The following BCKDHB variants were observed in gnomAD, a reference collection of about 807,000 sequenced individuals.
The protein encoded by BCKDHB is branched chain keto acid dehydrogenase E1 subunit beta.
Under a neutral mutation model 48.5 loss-of-function variants are expected in BCKDHB, and 41 were observed. The observed-to-expected ratio is 0.85, with a 90% confidence interval of 0.66 to 1.10. The LOEUF is 1.10. BCKDHB is among the 50% of genes least tolerant of loss of function. The pLI is 0.00. For synonymous variants in BCKDHB, 201 were observed against 174.8 expected (o/e 1.15, Z -1.18); for missense variants, 496 against 494.2 (o/e 1.00, Z -0.03).
chr6:80,190,248 A>G (rs1057096974), intron 6 of BCKDHB, among the ~76,000 whole-genome samples: 3 of 152,204 alleles, frequency 2.0e-5, no homozygotes, highest in African/African-American at 4.8e-5. Context: ...AAAAACAGCC[A>G]TTATATAATC....
the BCKDHB span, among the ~76,000 whole-genome samples, chr6:80,375,082 G>GT: frequency 2.0e-5 from 3 of 152,026 alleles, no homozygotes; most frequent in African/African-American, 4.8e-5. Context: ...AGTTCTTAAA[G>GT]TCCTTTCCTT....
the BCKDHB span, among the ~76,000 whole-genome samples, chr6:80,452,669 T>C: frequency 2.0e-5 from 3 of 152,144 alleles, no homozygotes; most frequent in Non-Finnish European, 4.4e-5. Context: ...TGCTCTTAAT[T>C]TACTCACAAT....
chr6:80,265,976 A>G lies in BCKDHB; in HGVS notation c.952-7159A>G, dbSNP rs530893892. 7.9e-5 allele frequency among the ~76,000 whole-genome samples: 12 copies of G among 152,174 alleles called. No homozygotes were observed. The South Asian group carries it at 2.5e-3, about 32-fold the overall frequency. ...GCATATTTACAGTAAGGCTTTAGTT[A>G]TGTGGTACTTCCAAATGCCTCCTGC... On this transcript the variant is annotated intron_variant, in intron 8 of 9. Transcript: ENST00000320393.
chr6:80,116,201 A>T (rs991644539), intron 1 of BCKDHB, among the ~76,000 whole-genome samples: 2 of 152,150 alleles, frequency 1.3e-5, no homozygotes, highest in Non-Finnish European at 1.5e-5. Context: ...ACACTGCTGC[A>T]TACTGCATAG....
chr6:80,128,280 AG>A (rs1401581647), intron 2 of BCKDHB, among the ~76,000 whole-genome samples: 1 of 152,130 alleles, frequency 6.6e-6, no homozygotes, highest in Non-Finnish European at 1.5e-5. Context: ...AATGAAAAAC[AG>A]GTTATTTTTT....
chr6:80,260,344 C>T (rs1030084701), intron 8 of BCKDHB, among the ~76,000 whole-genome samples: 2 of 152,074 alleles, frequency 1.3e-5, no homozygotes, highest in Non-Finnish European at 2.9e-5. Context: ...TCATCCATTG[C>T]GGATGTTCTT....
chr6:80,211,954 C>T (rs1774954963), intron 8 of BCKDHB, among the ~76,000 whole-genome samples: 1 of 152,020 alleles, frequency 6.6e-6, no homozygotes, highest in Admixed American at 6.6e-5. Flanking sequence ...AGATCACATG[C>T]TTCAAAAGGC....
At chr6:80,135,263 G>A (rs1177582763) in intron 3 of BCKDHB, among the ~76,000 whole-genome samples, 1 of 151,988 alleles carries the variant, frequency 6.6e-6, no homozygotes, top group African/African-American at 2.4e-5. Context: ...GTGAGATGGG[G>A]GTTTGGTTTC....
chr6:80,290,926 A>G (rs1447122699), intron 9 of BCKDHB, among the ~76,000 whole-genome samples: 2 of 152,142 alleles, frequency 1.3e-5, no homozygotes, highest in African/African-American at 4.8e-5. Context: ...GCACTTGTAA[A>G]CTGTCATGGT....
chr6:80,420,101 T>C, the BCKDHB span, among the ~76,000 whole-genome samples: 3 of 152,192 alleles, frequency 2.0e-5, no homozygotes, highest in Non-Finnish European at 4.4e-5. Context: ...TCACTGAGCT[T>C]CTTTAAGGTG....
the BCKDHB span, among the ~76,000 whole-genome samples, chr6:80,424,314 C>T: frequency 5.9e-5 from 9 of 152,202 alleles, no homozygotes; most frequent in East Asian, 1.9e-4. Flanking sequence ...CTTCAAAGCA[C>T]GCTTTTAAGT....
intron 8 of BCKDHB, among the ~76,000 whole-genome samples, chr6:80,231,775 A>G (rs201614375): frequency 3.9e-5 from 6 of 152,118 alleles, no homozygotes; most frequent in East Asian, 1.9e-4. Context: ...GACCAGCCTG[A>G]CCAACATGGT....
At chr6:80,225,829 C>A (rs1229842565) in intron 8 of BCKDHB, among the ~76,000 whole-genome samples, 2 of 152,092 alleles carry the variant, frequency 1.3e-5, no homozygotes. Context: ...ACATTTGGTG[C>A]AATACAACTA....
At chr6:80,431,834 A>G in the BCKDHB span, among the ~76,000 whole-genome samples, 1 of 151,096 alleles carries the variant, frequency 6.6e-6, no homozygotes, top group Non-Finnish European at 1.5e-5. Context: ...AGATTAATCT[A>G]TTGTCCTATC....
intron 9 of BCKDHB, among the ~76,000 whole-genome samples, chr6:80,306,374 A>G (rs577311756): frequency 3.3e-5 from 5 of 152,328 alleles, no homozygotes; most frequent in African/African-American, 1.2e-4. Flanking sequence ...ATATTTTTCA[A>G]TGAACAGCAT....
At chr6:80,134,039 G>T (rs182010693) in intron 3 of BCKDHB, among the ~76,000 whole-genome samples, 18 of 152,252 alleles carry the variant, frequency 1.2e-4, no homozygotes, top group African/African-American at 4.1e-4. Context: ...GAGAGAAAGA[G>T]AAAGAGTGTA....
chr6:80,138,842 G>A (rs1391790167), intron 3 of BCKDHB, among the ~76,000 whole-genome samples: 1 of 152,138 alleles, frequency 6.6e-6, no homozygotes, highest in Admixed American at 6.5e-5. Flanking sequence ...TGGGTCAAAT[G>A]GTATTTCTAG....
chr6:80,223,518 AT>A (rs1211898105), intron 8 of BCKDHB, among the ~76,000 whole-genome samples: 1 of 151,760 alleles, frequency 6.6e-6, no homozygotes, highest in African/African-American at 2.4e-5. Flanking sequence ...GGCTCTTACT[AT>A]TTTTTCTTTA....
In BCKDHB at chr6:80,290,681, T is replaced by G. The variant is rs541918213; in HGVS notation, c.1038+17460T>G. ...CAATTCAGACCCCAAGAGAGGGTTT[T>G]TGGATCTCTTGCAAGAAAGAATTCA... On this transcript the variant is annotated intron_variant, in intron 9 of 9. Coordinates refer to ENST00000320393, the MANE Select transcript of BCKDHB (RefSeq NM_183050.4). Among the ~76,000 whole-genome samples the G allele has an allele frequency of 8.5e-5, 13 of 152,352 alleles. No homozygotes were observed. In the East Asian group the frequency reaches 2.5e-3, roughly 29 times the overall value.
Sources: allele counts gnomAD v4.1 joint callset (sites outside exome capture counted in the v4.1 genomes callset), GRCh38; gene constraint gnomAD v4.1.1; transcripts MANE v1.5; gene names NCBI Gene and HGNC (gene_info 2026-07-23, HGNC 2026-07-21).